HEPHL1: variants seen among roughly 807,000 people sequenced by gnomAD.
The protein encoded by HEPHL1 is hephaestin like 1.
In HEPHL1, 123 loss-of-function variants were observed where a neutral mutation model predicts 122.0. That is an observed-to-expected ratio of 1.01 (90% confidence interval 0.87 to 1.17). HEPHL1 has a LOEUF of 1.17. HEPHL1 is among the 50% of genes most tolerant of loss of function. The probability of loss-of-function intolerance (pLI) is 0.00; values close to 1 mark genes in which losing one functional copy is unlikely to be tolerated. For missense variants in HEPHL1, 1,452 were observed against 1,430.5 expected (o/e 1.01, Z -0.24); for synonymous variants, 527 against 508.9 (o/e 1.04, Z -0.48).
intron 1 of HEPHL1, among the ~76,000 whole-genome samples, chr11:94,034,552 C>T (rs1945704039): frequency 6.6e-6 from 1 of 152,160 alleles, no homozygotes; most frequent in South Asian, 2.1e-4. Flanking sequence ...TTATTTAATA[C>T]AAAGGCTATC....
chr11:94,064,450 A>T lies in HEPHL1; in HGVS notation c.748A>T (p.Thr250Ser). Residue 250 changes from threonine (T) to serine (S), a missense_variant, in exon 4 of 20, where the codon ACC (threonine) becomes TCC (serine). Coordinates refer to ENST00000315765, the MANE Select transcript of HEPHL1 (RefSeq NM_001098672.2). Reference sequence around the variant, plus strand: ...CAATGAAAATATCAAACATTTCTGCACCAACCCTGATTCAGTTGACAAGAA... The same window carrying T: ...CAATGAAAATATCAAACATTTCTGCTCCAACCCTGATTCAGTTGACAAGAA... The part of the protein sequence containing the change: ...YLNENIKHFC[T>S]NPDSVDKKDA... 6.2e-7 allele frequency: 1 copy of T among 1,613,374 alleles called. No individual in the cohort carries two copies. Among genetic ancestry groups the T allele is most frequent in the Non-Finnish European group, 8.5e-7 (1 of 1,179,442 alleles).
At chr11:94,061,270 A>G (rs1945983669) in intron 2 of HEPHL1, among the ~76,000 whole-genome samples, 1 of 152,130 alleles carries the variant, frequency 6.6e-6, no homozygotes, top group Non-Finnish European at 1.5e-5. Context: ...TGCAGAGGTA[A>G]GGTCCTGGCT....
chr11:94,058,867 C>T (rs974325063), intron 2 of HEPHL1, among the ~76,000 whole-genome samples: 4 of 151,940 alleles, frequency 2.6e-5, no homozygotes, highest in Non-Finnish European at 4.4e-5. Context: ...CCTCACCTGG[C>T]CTGGTTTTTG....
intron 17 of HEPHL1, among the ~76,000 whole-genome samples, chr11:94,109,612 TTTC>T: frequency 6.6e-6 from 1 of 152,340 alleles, no homozygotes; most frequent in South Asian, 2.1e-4. Context: ...TCAGATGCTT[TTTC>T]TTCTTTAATC....
intron 8 of HEPHL1, 107 bp from the exon 9 acceptor site, chr11:94,075,067 A>G: frequency 1.1e-6 from 1 of 886,008 alleles, no homozygotes; most frequent in Non-Finnish European, 1.8e-6. Context: ...CTCCTGGTAC[A>G]AAATTCTTCA....
Position 94,077,094 on chromosome 11 carries a change from T to C in HEPHL1, c.1716+1709T>C, listed in dbSNP as rs180830919. Among the ~76,000 whole-genome samples, 8 of 152,328 alleles carry C rather than the reference T, an allele frequency of 5.3e-5. No homozygotes were observed. The East Asian group carries it at 1.5e-3, about 29-fold the overall frequency. On this transcript the variant is annotated intron_variant, in intron 9 of 19. Coordinates refer to ENST00000315765, the MANE Select transcript of HEPHL1 (RefSeq NM_001098672.2). ...TATTATCTCTCTTTGTTTTTATGGG[T>C]TATTTTTCTGAACTGTTTGAGAGTA...
chr11:94,104,972 T>C (rs1195106174), intron 16 of HEPHL1, among the ~76,000 whole-genome samples: 2 of 152,232 alleles, frequency 1.3e-5, no homozygotes, highest in Non-Finnish European at 2.9e-5. Flanking sequence ...TAGGGACATG[T>C]ATTTCTGAAT....
chr11:94,055,269 T>C, intron 2 of HEPHL1: 1 of 285,172 alleles, frequency 3.5e-6, no homozygotes, highest in Non-Finnish European at 6.9e-6. Context: ...CTCTGATTCC[T>C]GTTGAGCCAC....
chr11:94,083,163 C>T (rs1946186522), intron 10 of HEPHL1, among the ~76,000 whole-genome samples: 2 of 152,072 alleles, frequency 1.3e-5, no homozygotes, highest in South Asian at 2.1e-4. Flanking sequence ...ACTACTCTCC[C>T]TTGGGTTCAC....
chr11:94,067,324 T>C (rs1210835955), intron 4 of HEPHL1, among the ~76,000 whole-genome samples, 172 bp from the exon 5 acceptor site: 1 of 152,218 alleles, frequency 6.6e-6, no homozygotes, highest in Non-Finnish European at 1.5e-5. Flanking sequence ...AAACATTTCA[T>C]TTCTCTTTTG....
intron 2 of HEPHL1, among the ~76,000 whole-genome samples, chr11:94,053,050 T>G (rs951536614): frequency 6.7e-6 from 1 of 150,178 alleles, no homozygotes; most frequent in African/African-American, 2.4e-5. Context: ...TTGGCATGGA[T>G]TTTTTTTTTA....
chr11:94,069,704 C>T (rs902361710), intron 5 of HEPHL1, among the ~76,000 whole-genome samples: 1 of 152,094 alleles, frequency 6.6e-6, no homozygotes, highest in African/African-American at 2.4e-5. Flanking sequence ...TACTCTATTG[C>T]TTAATGCTTA....
chr11:94,028,582 G>C (rs1945646220), intron 1 of HEPHL1, among the ~76,000 whole-genome samples: 1 of 152,180 alleles, frequency 6.6e-6, no homozygotes, highest in Admixed American at 6.5e-5. Flanking sequence ...AGTTGTTAAT[G>C]TTAACCTTCC....
chr11:94,100,914 G>A (rs187887675), intron 13 of HEPHL1, among the ~76,000 whole-genome samples: 3 of 152,256 alleles, frequency 2.0e-5, no homozygotes, highest in Admixed American at 1.3e-4. Context: ...TTACTAAACT[G>A]ATGTTACAGA....
At chr11:94,096,925 C>T (rs375239001) in intron 13 of HEPHL1, among the ~76,000 whole-genome samples, 9 of 152,110 alleles carry the variant, frequency 5.9e-5, no homozygotes, top group African/African-American at 2.2e-4. Flanking sequence ...CTTTGATAGT[C>T]TTGCTGGCAG....
chr11:94,104,494 T>A, intron 15 of HEPHL1, 34 bp from the exon 16 acceptor site: 1 of 1,408,882 alleles, frequency 7.1e-7, no homozygotes, highest in South Asian at 1.2e-5. Flanking sequence ...AATTACTTAA[T>A]GGCTCTTTTA....
At position 94,073,100 on chromosome 11, in the gene HEPHL1, T is replaced by C. The variant is rs1410826256; in HGVS notation, c.1308T>C (p.Phe436=). Residue 436 remains phenylalanine, a synonymous_variant, in exon 7 of 20, where the codon TTT becomes TTC. Transcript: ENST00000315765. ...GKYWKVRYTE[F]VDATFTKRKR... ...ACTGGAAGGTTCGGTATACTGAATTTGTTGATGCAACTTTTACTAAAAGAA... is the reference window on the plus strand; with the variant it reads ...ACTGGAAGGTTCGGTATACTGAATTCGTTGATGCAACTTTTACTAAAAGAA... The C allele has an allele frequency of 1.2e-6, 2 of 1,613,230 alleles. No individual in the cohort carries two copies. The highest frequency in any genetic ancestry group is 1.7e-6 in the Non-Finnish European group (2 of 1,179,468).
At chr11:94,093,734 T>C (rs772509005) in intron 13 of HEPHL1, 94 bp downstream of exon 13, 5 of 1,390,214 alleles carry the variant, frequency 3.6e-6, no homozygotes, top group Admixed American at 2.3e-5. Context: ...TAAGAAAGGA[T>C]AGAAGAAACA....
chr11:94,081,602 A>G (rs1275562167), intron 9 of HEPHL1, among the ~76,000 whole-genome samples: 1 of 152,122 alleles, frequency 6.6e-6, no homozygotes, highest in African/African-American at 2.4e-5. Context: ...TCCCCTCACT[A>G]TCCACTCAAG....
Sources: gnomAD v4.1 joint callset for allele counts (sites outside exome capture counted in the v4.1 genomes callset) on GRCh38, gnomAD v4.1.1 for gene constraint, MANE v1.5 for transcripts, NCBI Gene and HGNC (gene_info 2026-07-23, HGNC 2026-07-21) for gene names.